CPEB4: variants seen among roughly 807,000 people sequenced by gnomAD.
CPEB4 encodes cytoplasmic polyadenylation element-binding protein 4.
In CPEB4, 12 loss-of-function variants were observed where a neutral mutation model predicts 72.5. That is an observed-to-expected ratio of 0.17 (90% CI 0.11 to 0.27). The LOEUF (loss-of-function observed/expected upper bound fraction) is 0.27, where lower values mean the gene tolerates loss of function less well. CPEB4 is among the 10% of genes least tolerant of loss of function. CPEB4 has a pLI of 1.00. For missense variants in CPEB4, 614 were observed against 908.5 expected (o/e 0.68, Z 4.17); for synonymous variants, 302 against 326.3 (o/e 0.93, Z 0.80).
chr5:173,912,182 G>C (rs1756688439), intron 2 of CPEB4, among the ~76,000 whole-genome samples: 1 of 152,042 alleles, frequency 6.6e-6, no homozygotes, highest in Non-Finnish European at 1.5e-5. Context: ...ACTCAGAATT[G>C]GCTTTATTTT....
chr5:173,950,182 A>T lies in CPEB4; in HGVS notation c.1665+104A>T, dbSNP rs1758167779. The T allele has an allele frequency of 1.6e-6, 1 of 642,628 alleles. No individual in the cohort carries two copies. The highest frequency in any genetic ancestry group is 2.9e-5 in the East Asian group (1 of 34,862). 39.8% of individuals were successfully genotyped at this position (642,628 alleles called of 1,614,324 possible). ...TTGATGTGTTTGGGGTACTTAATTG[A>T]CATGTTTGTAAGCAGACTAAGTAGT... On this transcript the variant is annotated intron_variant, in intron 7 of 9. Coordinates refer to ENST00000265085, the MANE Select transcript of CPEB4 (RefSeq NM_030627.4). This position sits in a 1 kb window ranked among gnomAD's most constrained non-coding sequence, Gnocchi z 5.0.
Position 173,910,534 on chromosome 5 carries a change from G to T in CPEB4, c.1137G>T (p.Arg379Ser). 1 of 1,613,318 alleles carries T rather than the reference G, an allele frequency of 6.2e-7. No individual in the cohort carries two copies. Among genetic ancestry groups the T allele is most frequent in the South Asian group, 1.1e-5 (1 of 91,036 alleles). Residue 379 changes from arginine (R) to serine (S), a missense_variant, in exon 2 of 10, where the codon AGG becomes AGT. Arg to Ser is a moderately radical substitution (Grantham distance 110). This residue lies in a region of CPEB4 where 458 missense variants were observed against 548.6 expected (regional missense o/e 0.83). Transcript: ENST00000265085. ...GTTTGTGTCTACAGGATCGCCCCAGGACATTCGACATGCACTCACTGGAGA... is the reference window on the plus strand; with the variant it reads ...GTTTGTGTCTACAGGATCGCCCCAGTACATTCGACATGCACTCACTGGAGA... The part of the protein sequence containing the change: ...DNIFPFPDRP[R>S]TFDMHSLESS...
intron 3 of CPEB4, among the ~76,000 whole-genome samples, chr5:173,940,071 G>A (rs531594354): frequency 4.6e-5 from 7 of 151,384 alleles, no homozygotes; most frequent in Non-Finnish European, 4.4e-5. Flanking sequence ...TCGTGCCACC[G>A]CACTCCAGCC....
At position 173,951,881 on chromosome 5, in the gene CPEB4, C is replaced by A; in HGVS notation, c.1723C>A (p.Pro575Thr). The A allele has an allele frequency of 6.2e-7, 1 of 1,613,924 alleles. No homozygotes were observed. The change falls in exon 8 of 10, where the codon CCA becomes ACA. Residue 575 changes from proline (P) to threonine (T), a missense_variant. Around this residue, in one of 5 missense-constraint regions of CPEB4, gnomAD observed 101 missense variants for 243.1 expected, o/e 0.42. Transcript: ENST00000265085. ...DSDFVMDGSQ[P>T]LDPRKTIFVG... Reference sequence around the variant, plus strand: ...TGACTTTGTGATGGATGGTTCACAGCCACTTGACCCACGAAAAACTATATT... The same window carrying A: ...TGACTTTGTGATGGATGGTTCACAGACACTTGACCCACGAAAAACTATATT...
At chr5:173,925,209 A>G (rs1001089692) in intron 2 of CPEB4, among the ~76,000 whole-genome samples, 4 of 152,158 alleles carry the variant, frequency 2.6e-5, no homozygotes, top group African/African-American at 9.7e-5. Context: ...GAGAGTTAGG[A>G]AAGCCATTAA....
In CPEB4 at chr5:173,888,620, A is replaced by T. The variant is rs1185782681; in HGVS notation, c.-1114A>T. 5.0e-6 allele frequency: 2 copies of T among 401,032 alleles called. No individual in the cohort carries two copies. Among genetic ancestry groups the T allele is most frequent in the Admixed American group, 8.8e-5 (2 of 22,720 alleles). 24.8% of individuals were successfully genotyped at this position (401,032 alleles called of 1,614,324 possible). A position where few individuals can be genotyped will look rare whatever the true frequency, so the allele number is the denominator to read the frequency against. On this transcript the variant is annotated 5_prime_UTR_variant, in exon 1 of 10. Transcript: ENST00000265085. This position sits in a 1 kb window ranked among gnomAD's most constrained non-coding sequence, Gnocchi z 4.3. Reference sequence around the variant, plus strand: ...AGTTTAAAAAAAAATTCTGGGGGAAAAGAGAGAGAAAGCCGAGGGGGGAGG... The same window carrying T: ...AGTTTAAAAAAAAATTCTGGGGGAATAGAGAGAGAAAGCCGAGGGGGGAGG...
intron 2 of CPEB4, among the ~76,000 whole-genome samples, chr5:173,930,341 C>T (rs1405054793): frequency 6.6e-6 from 1 of 152,192 alleles, no homozygotes; most frequent in East Asian, 1.9e-4. Flanking sequence ...CAGGCATGAG[C>T]CACCGCACTT....
chr5:173,941,500 A>G (rs754223751), intron 3 of CPEB4, among the ~76,000 whole-genome samples: 1 of 152,222 alleles, frequency 6.6e-6, no homozygotes, highest in Non-Finnish European at 1.5e-5. Flanking sequence ...TCTGAGTTAT[A>G]ATTATTTAGC....
intron 3 of CPEB4, among the ~76,000 whole-genome samples, chr5:173,934,719 G>A (rs1339268570): frequency 1.3e-5 from 2 of 152,166 alleles, no homozygotes; most frequent in Non-Finnish European, 2.9e-5. Flanking sequence ...CTACTCGACC[G>A]ACCTATTCTC....
At chr5:173,928,256 T>C (rs1757318179) in intron 2 of CPEB4, among the ~76,000 whole-genome samples, 1 of 152,210 alleles carries the variant, frequency 6.6e-6, no homozygotes, top group South Asian at 2.1e-4. Flanking sequence ...ACAGAATGAA[T>C]ACCAAGAGTG....
chr5:173,906,279 C>A (rs887643221), intron 1 of CPEB4, among the ~76,000 whole-genome samples: 2 of 152,044 alleles, frequency 1.3e-5, no homozygotes, highest in African/African-American at 4.8e-5. Context: ...TATCTGTGTC[C>A]CCTTTATCTA....
chr5:173,923,393 A>T (rs1041663298), intron 2 of CPEB4, among the ~76,000 whole-genome samples: 4 of 152,154 alleles, frequency 2.6e-5, no homozygotes, highest in Non-Finnish European at 5.9e-5. Context: ...CTTATCTCTA[A>T]AGTTCTCAAT....
chr5:173,910,416 G>A (rs1756610999), intron 1 of CPEB4, 107 bp from the exon 2 acceptor site: 1 of 759,370 alleles, frequency 1.3e-6, no homozygotes. Flanking sequence ...TACATAGAGA[G>A]TAAAATTGCT....
At chr5:173,899,021 A>G (rs2113138532) in intron 1 of CPEB4, among the ~76,000 whole-genome samples, 1 of 152,346 alleles carries the variant, frequency 6.6e-6, no homozygotes, top group East Asian at 1.9e-4. Flanking sequence ...TACTTAAATA[A>G]TGGTGGGACT....
intron 8 of CPEB4, among the ~76,000 whole-genome samples, chr5:173,952,373 A>C (rs1422050768): frequency 6.6e-6 from 1 of 152,214 alleles, no homozygotes; most frequent in East Asian, 1.9e-4. Context: ...TCATTTGCTC[A>C]ACAGCGACTG....
At chr5:173,917,734 TAAA>T (rs761011373) in intron 2 of CPEB4, among the ~76,000 whole-genome samples, 27 of 152,140 alleles carry the variant, frequency 1.8e-4, no homozygotes, top group South Asian at 4.1e-4. Context: ...CTCAAAGAAA[TAAA>T]AAAGAAGAAG....
chr5:173,890,955 GA>G lies in CPEB4; in HGVS notation c.1125+98del, dbSNP rs906883285. On this transcript the variant is annotated intron_variant, in intron 1 of 9. Transcript: ENST00000265085. ...GTTTGAAGTGCCCGTATTCACATCA[GA>G]GCTTTTCTTAGAGAGAAAATGAATC... 10 of 1,163,890 alleles carry G rather than the reference GA, an allele frequency of 8.6e-6. No individual in the cohort carries two copies. In the African/African-American group the frequency reaches 1.5e-4, roughly 18 times the overall value. The allele number at this position is 1,163,890 out of a possible 1,614,324, so 72.1% of individuals were successfully genotyped here.
At position 173,902,749 on chromosome 5, in the gene CPEB4, G is replaced by C. The variant is rs149660582; in HGVS notation, c.1126-7774G>C. ...TTGACAGACAATGAATTTTTCCATT[G>C]CTGACAAATTTTACAAGAAAATTCA... On this transcript the variant is annotated intron_variant, in intron 1 of 9. Transcript: ENST00000265085. 6.1e-3 allele frequency among the ~76,000 whole-genome samples: 924 copies of C among 152,240 alleles called. 5 individuals carry two copies. The highest frequency in any genetic ancestry group is 0.017 in the Middle Eastern group (5 of 294).
intron 2 of CPEB4, among the ~76,000 whole-genome samples, chr5:173,926,663 CAT>C (rs1757253171): frequency 6.6e-6 from 1 of 152,196 alleles, no homozygotes; most frequent in Non-Finnish European, 1.5e-5. Context: ...CTTTTCCTGT[CAT>C]AATGTTCCTT....
Sources: allele counts gnomAD v4.1 joint callset (sites outside exome capture counted in the v4.1 genomes callset), GRCh38; gene constraint gnomAD v4.1.1; regional missense constraint gnomAD v4.1.1; non-coding constraint Gnocchi (gnomAD v3.1); transcripts MANE v1.5; gene names NCBI Gene and HGNC (gene_info 2026-07-23, HGNC 2026-07-21).